FMN2: variants seen among roughly 807,000 people sequenced by gnomAD.
The protein encoded by FMN2 is formin-2.
Under a neutral mutation model 142.3 loss-of-function variants are expected in FMN2, and 51 were observed. The observed-to-expected ratio is 0.36, with a 90% confidence interval of 0.29 to 0.45. FMN2 has a LOEUF of 0.45. Among genes scored for constraint, FMN2 ranks in the 20% least tolerant of loss-of-function variants. The probability of loss-of-function intolerance (pLI) is 1.00; values close to 1 mark genes in which losing one functional copy is unlikely to be tolerated. For missense variants in FMN2, 1,936 were observed against 2,122.8 expected, an observed-to-expected ratio of 0.91 and a Z score of 1.73; for synonymous variants, 882 against 869.8, an observed-to-expected ratio of 1.01 and a Z score of -0.25.
intron 3 of FMN2, among the ~76,000 whole-genome samples, chr1:240,183,033 C>T (rs1665218453): frequency 6.6e-6 from 1 of 151,796 alleles, no homozygotes; most frequent in African/African-American, 2.4e-5. Context: ...CCTTCCACCT[C>T]AGCCTCCCAA....
chr1:240,103,419 C>T (rs1661481816), intron 1 of FMN2, among the ~76,000 whole-genome samples: 1 of 152,182 alleles, frequency 6.6e-6, no homozygotes, highest in Non-Finnish European at 1.5e-5. Flanking sequence ...ACATATCTCA[C>T]TTAGACATCA....
chr1:240,122,266 T>TTTA (rs1205520937), intron 1 of FMN2, among the ~76,000 whole-genome samples: 2 of 151,376 alleles, frequency 1.3e-5, no homozygotes, highest in African/African-American at 4.9e-5. Flanking sequence ...TATTTATTTA[T>TTTA]TTATTTATTT....
intron 7 of FMN2, among the ~76,000 whole-genome samples, chr1:240,279,717 C>T (rs190164766): frequency 3.9e-5 from 6 of 152,238 alleles, no homozygotes; most frequent in Admixed American, 2.0e-4. Context: ...AACACCTCCC[C>T]ATATTTAACT....
At chr1:240,320,220 C>T (rs923656068) in intron 8 of FMN2, among the ~76,000 whole-genome samples, 2 of 151,972 alleles carry the variant, frequency 1.3e-5, no homozygotes, top group African/African-American at 2.4e-5. Flanking sequence ...TAGACTGAAA[C>T]GATGTCATCT....
At chr1:240,360,057 G>A (rs1672408690) in intron 14 of FMN2, among the ~76,000 whole-genome samples, 1 of 152,068 alleles carries the variant, frequency 6.6e-6, no homozygotes, top group Non-Finnish European at 1.5e-5. Context: ...TTGTATGCAG[G>A]AAGGTCCTTA....
chr1:240,228,303 CAAAAAAAAAAAAAAAAAAAA>C (rs577421634), intron 6 of FMN2, among the ~76,000 whole-genome samples: 1 of 47,726 alleles, frequency 2.1e-5, no homozygotes, highest in East Asian at 6.1e-4. Context: ...AACTCTGTCT[CAAAAAAAAAAAAAAAAAAAA>C]AAAAAAAAAG....
chr1:240,297,271 A>G (rs1670018317), intron 8 of FMN2, among the ~76,000 whole-genome samples: 1 of 152,166 alleles, frequency 6.6e-6, no homozygotes, highest in Non-Finnish European at 1.5e-5. Flanking sequence ...AAAATACAGA[A>G]CATTGAATGT....
intron 6 of FMN2, among the ~76,000 whole-genome samples, chr1:240,221,524 A>C (rs1176231528): frequency 6.6e-6 from 1 of 152,034 alleles, no homozygotes. Context: ...TTCTTTTGAG[A>C]AGTGTCTGTT....
chr1:240,351,059 G>C (rs1371530865), intron 13 of FMN2, among the ~76,000 whole-genome samples: 6 of 152,170 alleles, frequency 3.9e-5, no homozygotes, highest in African/African-American at 1.4e-4. Flanking sequence ...TGTCTCATAG[G>C]AGATGAGAGT....
At chr1:240,233,033 AATTC>A (rs1377700920) in intron 6 of FMN2, among the ~76,000 whole-genome samples, 1 of 152,212 alleles carries the variant, frequency 6.6e-6, no homozygotes, top group African/African-American at 2.4e-5. Flanking sequence ...GCTTTTAAAA[AATTC>A]ATTCATTCAC....
intron 15 of FMN2, among the ~76,000 whole-genome samples, chr1:240,408,014 A>G (rs1263652874): frequency 6.6e-6 from 1 of 152,178 alleles, no homozygotes; most frequent in Non-Finnish European, 1.5e-5. Context: ...GCCAAACTCT[A>G]TTGTATATTA....
intron 2 of FMN2, among the ~76,000 whole-genome samples, chr1:240,172,692 C>A (rs1664755961): frequency 6.6e-6 from 1 of 152,058 alleles, no homozygotes; most frequent in Admixed American, 6.6e-5. Context: ...GGAATTTTAT[C>A]TATTCCATGT....
intron 8 of FMN2, among the ~76,000 whole-genome samples, chr1:240,309,563 G>A (rs182334186): frequency 9.2e-5 from 14 of 152,258 alleles, no homozygotes; most frequent in African/African-American, 3.1e-4. Flanking sequence ...TCTGCACTCC[G>A]GGTATGCTGC....
rs139074872 is a variant in FMN2, at chr1:240,378,865, T to A, written c.4859-13646T>A. 5.9e-3 allele frequency among the ~76,000 whole-genome samples: 897 copies of A among 152,328 alleles called. 7 individuals are homozygous for A. The highest frequency in any genetic ancestry group is 0.02 in the African/African-American group (835 of 41,574). ...TATGTTCATGTTTTTCTTTAATATT[T>A]GAGGGTGGTTACTAAAAAACTACAT... On this transcript the variant is annotated intron_variant, in intron 14 of 17. Transcript: ENST00000319653.
intron 6 of FMN2, among the ~76,000 whole-genome samples, chr1:240,241,699 G>A (rs1036877106): frequency 3.3e-5 from 5 of 152,012 alleles, no homozygotes; most frequent in African/African-American, 4.8e-5. Context: ...AGGCTATGGC[G>A]CTACTCCTCT....
chr1:240,205,335 A>T (rs894970944), intron 4 of FMN2, among the ~76,000 whole-genome samples: 2 of 152,158 alleles, frequency 1.3e-5, no homozygotes, highest in African/African-American at 4.8e-5. Flanking sequence ...AGTTTCCACA[A>T]AAGTGGGAGT....
chr1:240,181,156 C>T (rs1247998650), intron 3 of FMN2, among the ~76,000 whole-genome samples: 1 of 152,056 alleles, frequency 6.6e-6, no homozygotes, highest in African/African-American at 2.4e-5. Flanking sequence ...AGGCACCCAC[C>T]ATCATGCCCA....
intron 5 of FMN2, among the ~76,000 whole-genome samples, chr1:240,209,547 C>T (rs952241092): frequency 4.0e-5 from 6 of 150,708 alleles, no homozygotes; most frequent in African/African-American, 7.3e-5. Context: ...AGCCACCGGG[C>T]ACGGCCGCAA....
chr1:240,249,451 G>T (rs551610161), intron 6 of FMN2, among the ~76,000 whole-genome samples: 6 of 151,964 alleles, frequency 3.9e-5, no homozygotes, highest in African/African-American at 1.4e-4. Context: ...TTTTCCATTG[G>T]TCTATGTGTT....
Sources: gnomAD v4.1 joint callset for allele counts (sites outside exome capture counted in the v4.1 genomes callset) on GRCh38, gnomAD v4.1.1 for gene constraint, MANE v1.5 for transcripts, NCBI Gene and HGNC (gene_info 2026-07-23, HGNC 2026-07-21) for gene names.